The following RAI14 variants were observed in gnomAD, a reference collection of about 807,000 sequenced individuals.
RAI14 encodes the protein retinoic acid induced 14, also known as ankycorbin.
A neutral mutation model predicts 115.4 loss-of-function variants in RAI14; 45 were observed. That is an observed-to-expected ratio of 0.39 (90% CI 0.31 to 0.50). The LOEUF (loss-of-function observed/expected upper bound fraction) is 0.50. RAI14 is among the 20% of genes least tolerant of loss of function. The pLI is 0.85. For synonymous variants in RAI14, 371 were observed against 415.4 expected (o/e 0.89, Z 1.30); for missense variants, 939 against 1,131.2 (o/e 0.83, Z 2.44).
intron 2 of RAI14, among the ~76,000 whole-genome samples, chr5:34,698,760 G>A (rs1201645884): frequency 6.6e-6 from 1 of 152,268 alleles, no homozygotes; most frequent in Middle Eastern, 3.4e-3. Context: ...TGGGGTGGGT[G>A]AAATAGAAGA....
At chr5:34,812,472 C>A (rs1185620738) in intron 10 of RAI14, among the ~76,000 whole-genome samples, 10 of 152,080 alleles carry the variant, frequency 6.6e-5, no homozygotes. Context: ...TCAAGACCAC[C>A]CTGACCAACA....
chr5:34,708,148 A>G (rs114417817), intron 2 of RAI14, among the ~76,000 whole-genome samples: 4,622 of 151,812 alleles, frequency 0.03, 110 homozygotes, highest in Middle Eastern at 0.093. Context: ...AATTTAATAT[A>G]CTCTTTAGAA....
At chr5:34,807,371 G>A (rs748736279) in intron 5 of RAI14, among the ~76,000 whole-genome samples, 15 of 152,152 alleles carry the variant, frequency 9.9e-5, no homozygotes, top group Admixed American at 1.3e-4. Context: ...CCTTGGACTC[G>A]AGAGGGGACA....
In RAI14 at chr5:34,791,614, A is replaced by C. The variant is rs1463696710; in HGVS notation, c.168-4325A>C. The stretch of plus-strand genomic sequence containing the variant: ...ACACAAAATACCCAACCCTGCTGTC[A>C]TTCAGGGTCCTAGCAGGAACAGGTA... On this transcript the variant is annotated intron_variant, in intron 3 of 17. Transcript: ENST00000265109. The surrounding 1 kb of genome is among the most constrained non-coding windows in gnomAD (Gnocchi z 5.4). 2.6e-5 allele frequency among the ~76,000 whole-genome samples: 4 copies of C among 152,322 alleles called. No homozygotes were observed. In the East Asian group the frequency reaches 7.7e-4, roughly 29 times the overall value.
At chr5:34,676,110 A>G (rs1366454351) in intron 1 of RAI14, among the ~76,000 whole-genome samples, 1 of 152,260 alleles carries the variant, frequency 6.6e-6, no homozygotes, top group Non-Finnish European at 1.5e-5. Flanking sequence ...CACAATGACT[A>G]TACCATTTTA....
intron 1 of RAI14, among the ~76,000 whole-genome samples, chr5:34,669,681 T>C (rs1465422650): frequency 1.3e-5 from 2 of 152,210 alleles, no homozygotes; most frequent in African/African-American, 4.8e-5. Flanking sequence ...TATCAGTGTT[T>C]AGATTGTCCT....
chr5:34,709,307 G>A (rs143388245), intron 2 of RAI14, among the ~76,000 whole-genome samples: 2,584 of 152,152 alleles, frequency 0.017, 68 homozygotes, highest in African/African-American at 0.059. Context: ...AATTAGCTGG[G>A]CATGGTGGCA....
chr5:34,694,132 C>A lies in RAI14; in HGVS notation c.36+7177C>A, dbSNP rs1250826269. Among the ~76,000 whole-genome samples, 4 of 152,100 alleles carry A rather than the reference C, an allele frequency of 2.6e-5. No individual in the cohort carries two copies. The East Asian group carries it at 5.8e-4, about 22-fold the overall frequency. On this transcript the variant is annotated intron_variant, in intron 2 of 17. Transcript: ENST00000265109. ...CCAATATGAAACCGAGGGCCTGGCCCTTAAACTTGGGGAAATCTCCTAGTC... is the reference window on the plus strand; with the variant it reads ...CCAATATGAAACCGAGGGCCTGGCCATTAAACTTGGGGAAATCTCCTAGTC...
chr5:34,698,946 A>G (rs1490266358), intron 2 of RAI14, among the ~76,000 whole-genome samples: 2 of 152,056 alleles, frequency 1.3e-5, no homozygotes, highest in Non-Finnish European at 2.9e-5. Context: ...GGGAGCCTAG[A>G]TTCCCTGCTG....
At chr5:34,762,651 A>G (rs1561326799) in intron 3 of RAI14, among the ~76,000 whole-genome samples, 1 of 152,226 alleles carries the variant, frequency 6.6e-6, no homozygotes, top group Non-Finnish European at 1.5e-5. Context: ...TTATAGCTGC[A>G]GCCTGTGTTT....
chr5:34,742,564 A>G (rs189201884), intron 2 of RAI14, among the ~76,000 whole-genome samples: 19 of 152,324 alleles, frequency 1.2e-4, no homozygotes, highest in Non-Finnish European at 2.1e-4. Context: ...GAAATGTGAA[A>G]AACATAGAGA....
rs551490137 is a variant in RAI14, at chr5:34,682,134, C to T, written c.-48-4738C>T. ...CCTCCCAAAGTGCTGGGATTATGGG[C>T]ATGAGCCACCGTACCTGGCTAACCT... is the stretch of plus-strand genomic sequence containing the variant. On this transcript the variant is annotated intron_variant, in intron 1 of 17. Transcript: ENST00000265109. Among the ~76,000 whole-genome samples, 8 of 152,120 alleles carry T rather than the reference C, an allele frequency of 5.3e-5. No homozygotes were observed. In the South Asian group the frequency reaches 1.7e-3, roughly 32 times the overall value.
chr5:34,700,890 C>G (rs1739979948), intron 2 of RAI14, among the ~76,000 whole-genome samples: 1 of 152,188 alleles, frequency 6.6e-6, no homozygotes, highest in Non-Finnish European at 1.5e-5. Flanking sequence ...AATTAACTAG[C>G]CTGTGTTCCT....
Position 34,827,457 on chromosome 5 carries a change from C to T in RAI14, c.2799+978C>T, listed in dbSNP as rs115102630. 0.016 allele frequency among the ~76,000 whole-genome samples: 2,394 copies of T among 152,304 alleles called. 56 individuals carry two copies. The highest frequency in any genetic ancestry group is 0.053 in the African/African-American group (2,209 of 41,560). On this transcript the variant is annotated intron_variant, in intron 16 of 17. Coordinates refer to ENST00000265109, the MANE Select transcript of RAI14 (RefSeq NM_015577.3). The surrounding 1 kb of genome is among the most constrained non-coding windows in gnomAD (Gnocchi z 4.2). ...AGTTGGCATGGGTACATTCCGTTTT[C>T]TACCTAAAGTCCAGGGTTAGTCTGT...
chr5:34,830,634 AG>A (rs1757947021), intron 17 of RAI14, 53 bp from the exon 18 acceptor site: 4 of 1,610,864 alleles, frequency 2.5e-6, no homozygotes, highest in African/African-American at 1.3e-5. Context: ...CAGAGAAGAA[AG>A]TGCCATGGCT....
Position 34,823,984 on chromosome 5 carries a change from C to T in RAI14, c.2142C>T (p.Thr714=), listed in dbSNP as rs115146575. 3.1e-3 allele frequency: 5,061 copies of T among 1,613,918 alleles called. 51 individuals are homozygous for T. The highest frequency in any genetic ancestry group is 2.4e-3 in the Non-Finnish European group (2,839 of 1,179,872). ...ATTCAAAAGTGTTGAATGAGTTGAC[C>T]CAGCTCAAACAACTGGTGGATGCAC... ...SQYSKVLNEL[T]QLKQLVDAQK... is the part of the protein sequence containing the mutation. Residue 714 remains threonine, a synonymous_variant, in exon 15 of 18, where the codon ACC becomes ACT. Coordinates refer to ENST00000265109, the MANE Select transcript of RAI14 (RefSeq NM_015577.3). The surrounding 1 kb of genome is among the most constrained non-coding windows in gnomAD (Gnocchi z 4.5).
chr5:34,714,402 G>T (rs1298782187), intron 2 of RAI14, among the ~76,000 whole-genome samples: 1 of 152,194 alleles, frequency 6.6e-6, no homozygotes, highest in African/African-American at 2.4e-5. Flanking sequence ...CTGGGACAGG[G>T]ATACGGAGGG....
chr5:34,796,154 C>A, intron 4 of RAI14, 127 bp downstream of exon 4: 2 of 699,700 alleles, frequency 2.9e-6, no homozygotes, highest in South Asian at 1.8e-5. Context: ...CAGCACTCTG[C>A]GAGGGTGAGG....
intron 13 of RAI14, among the ~76,000 whole-genome samples, chr5:34,819,870 T>C (rs1156516035): frequency 6.6e-6 from 1 of 152,196 alleles, no homozygotes; most frequent in Non-Finnish European, 1.5e-5. Flanking sequence ...CCCATAGTGC[T>C]GGGATTATAG....
Sources: allele counts gnomAD v4.1 joint callset (sites outside exome capture counted in the v4.1 genomes callset), GRCh38; gene constraint gnomAD v4.1.1; non-coding constraint Gnocchi (gnomAD v3.1); transcripts MANE v1.5; gene names NCBI Gene and HGNC (gene_info 2026-07-23, HGNC 2026-07-21).